FNIP1: variants seen among roughly 807,000 people sequenced by gnomAD.
FNIP1 encodes folliculin interacting protein 1.
Under a neutral mutation model 124.5 loss-of-function variants are expected in FNIP1, and 40 were observed. The ratio of observed to expected loss-of-function variants is 0.32; its 90% CI spans 0.25 to 0.42. FNIP1 has a LOEUF of 0.42. Ranked by LOEUF, FNIP1 falls within the 10% of genes least tolerant of loss-of-function variation. The pLI, the probability that FNIP1 is intolerant of heterozygous loss-of-function variation, is 1.00. For synonymous variants in FNIP1, 472 were observed against 470.6 expected (o/e 1.00, Z -0.04); for missense variants, 1,176 against 1,403.7 (o/e 0.84, Z 2.59).
rs146588559 is a variant in FNIP1, at chr5:131,770,484, T to A, written c.93-25794A>T. 1.3e-4 allele frequency among the ~76,000 whole-genome samples: 20 copies of A among 152,306 alleles called. No individual in the cohort carries two copies. The East Asian group carries it at 2.5e-3, about 19-fold the overall frequency. ...ATCTGTGTATGTATCCCGATAGGAC[T>A]AATTCACTAACAGAAATGCGTTAAT... On this transcript the variant is annotated intron_variant, in intron 1 of 17. Coordinates refer to ENST00000510461, the MANE Select transcript of FNIP1 (RefSeq NM_133372.3).
chr5:131,681,860 C>T (rs1768097403), intron 11 of FNIP1, among the ~76,000 whole-genome samples: 2 of 147,938 alleles, frequency 1.4e-5, no homozygotes, highest in Non-Finnish European at 3.0e-5. Flanking sequence ...GGTGCTATAA[C>T]AATACTGAGA....
intron 1 of FNIP1, among the ~76,000 whole-genome samples, chr5:131,758,244 G>A (rs1020194385): frequency 2.0e-5 from 3 of 152,152 alleles, no homozygotes; most frequent in Admixed American, 6.6e-5. Flanking sequence ...AAGAAGTGAA[G>A]GAGAAGCAAA....
intron 2 of FNIP1, among the ~76,000 whole-genome samples, chr5:131,737,110 TAAC>T (rs1770337618): frequency 6.6e-6 from 1 of 152,244 alleles, no homozygotes; most frequent in Admixed American, 6.5e-5. Context: ...TTCTCTGAGA[TAAC>T]AAAGTAAAAT....
At chr5:131,750,165 C>G (rs1173321421) in intron 1 of FNIP1, among the ~76,000 whole-genome samples, 1 of 151,728 alleles carries the variant, frequency 6.6e-6, no homozygotes. Context: ...GTATACGGAA[C>G]AAAAGAAAAG....
intron 3 of FNIP1, among the ~76,000 whole-genome samples, chr5:131,725,301 A>G (rs945102022): frequency 2.6e-5 from 4 of 152,150 alleles, no homozygotes; most frequent in African/African-American, 4.8e-5. Flanking sequence ...CATGATAGCC[A>G]TTTTCACGAT....
intron 11 of FNIP1, among the ~76,000 whole-genome samples, chr5:131,679,762 C>A (rs1309949052): frequency 4.6e-5 from 7 of 152,204 alleles, no homozygotes; most frequent in Non-Finnish European, 1.0e-4. Flanking sequence ...GATTATCACA[C>A]AATTAGCACA....
chr5:131,730,948 C>T lies in FNIP1; in HGVS notation c.310G>A (p.Val104Met). The change falls in exon 3 of 18, where the codon GTG becomes ATG. Residue 104 changes from valine to methionine, a missense_variant. By Grantham distance (21) the Val-to-Met change is conservative (BLOSUM62 1). This residue lies in a region of FNIP1 where 1,109 missense variants were observed against 1,288.5 expected (regional missense o/e 0.86). Coordinates refer to ENST00000510461, the MANE Select transcript of FNIP1 (RefSeq NM_133372.3). Reference protein sequence around the residue: ...GDSSSSLDSSVTSSSDIKDQC... With the variant: ...GDSSSSLDSSMTSSSDIKDQC... ...TCTTTTATATCAGAAGATGAAGTCA[C>T]AGAACTATCTAAAGAGGAAGAACTG... The T allele has an allele frequency of 1.2e-6, 2 of 1,612,118 alleles. No individual in the cohort carries two copies. The highest frequency in any genetic ancestry group is 1.7e-6 in the Non-Finnish European group (2 of 1,179,066).
At chr5:131,726,246 T>C (rs1016653417) in intron 3 of FNIP1, among the ~76,000 whole-genome samples, 4 of 152,192 alleles carry the variant, frequency 2.6e-5, no homozygotes, top group Non-Finnish European at 5.9e-5. Context: ...TTTCTATTGA[T>C]TGGAATAGTT....
chr5:131,777,201 T>C (rs1016295296), intron 1 of FNIP1, among the ~76,000 whole-genome samples: 3 of 151,942 alleles, frequency 2.0e-5, no homozygotes, highest in African/African-American at 7.2e-5. Context: ...ATTTTCAACA[T>C]AAAAGAAATA....
intron 2 of FNIP1, 112 bp from the exon 3 acceptor site, chr5:131,731,150 A>C: frequency 1.1e-6 from 1 of 932,396 alleles, no homozygotes; most frequent in Non-Finnish European, 1.6e-6. Flanking sequence ...CTCAAAATAC[A>C]ACATTAATAT....
At chr5:131,733,915 T>C (rs1770192537) in intron 2 of FNIP1, among the ~76,000 whole-genome samples, 1 of 152,220 alleles carries the variant, frequency 6.6e-6, no homozygotes, top group African/African-American at 2.4e-5. Flanking sequence ...TACCAGCTCC[T>C]CCTTCTACCT....
At chr5:131,755,006 C>G (rs184203220) in intron 1 of FNIP1, among the ~76,000 whole-genome samples, 2 of 152,060 alleles carry the variant, frequency 1.3e-5, no homozygotes, top group Non-Finnish European at 2.9e-5. Context: ...AAAGGAGATA[C>G]CATTAACCAA....
intron 9 of FNIP1, among the ~76,000 whole-genome samples, chr5:131,704,634 G>A (rs1220497469): frequency 1.3e-5 from 2 of 152,050 alleles, no homozygotes; most frequent in Admixed American, 1.3e-4. Context: ...TTGATTTCAG[G>A]AGTAAAGTCA....
chr5:131,796,754 C>G, intron 1 of FNIP1, 76 bp downstream of exon 1: 1 of 1,380,766 alleles, frequency 7.2e-7, no homozygotes, highest in Non-Finnish European at 9.9e-7. Context: ...GTCGGAACAC[C>G]GAAGGCCCCA....
chr5:131,712,439 G>C (rs533464531), intron 6 of FNIP1, among the ~76,000 whole-genome samples: 84 of 152,190 alleles, frequency 5.5e-4, no homozygotes, highest in African/African-American at 1.9e-3. Flanking sequence ...GGGGGTCTGC[G>C]AAGTCCTCCA....
At chr5:131,733,627 A>C (rs1770180605) in intron 2 of FNIP1, among the ~76,000 whole-genome samples, 1 of 152,218 alleles carries the variant, frequency 6.6e-6, no homozygotes, top group Admixed American at 6.5e-5. Context: ...ATGCTGGATT[A>C]CATTTATTGA....
intron 15 of FNIP1, among the ~76,000 whole-genome samples, chr5:131,662,730 T>C (rs1580735182): frequency 7.0e-6 from 1 of 142,708 alleles, no homozygotes; most frequent in East Asian, 2.0e-4. Flanking sequence ...GGAGATATTC[T>C]AGATTTTTTT....
chr5:131,741,586 C>A (rs1416775350), intron 2 of FNIP1, among the ~76,000 whole-genome samples: 1 of 152,138 alleles, frequency 6.6e-6, no homozygotes, highest in East Asian at 1.9e-4. Flanking sequence ...ATTGACAATT[C>A]TTTGGTTCAA....
Position 131,642,016 on chromosome 5 carries a change from A to G in FNIP1, c.*2669T>C, listed in dbSNP as rs1014276921. On this transcript the variant is annotated 3_prime_UTR_variant, in exon 18 of 18. Coordinates refer to ENST00000510461, the MANE Select transcript of FNIP1 (RefSeq NM_133372.3). ...AACTCAAAATTAAGACATATTAATA[A>G]AAGCCAGAAATATTTAAAATCAAAC... is the stretch of plus-strand genomic sequence containing the variant. 3.3e-5 allele frequency: 5 copies of G among 152,804 alleles called. No homozygotes were observed. Among genetic ancestry groups the G allele is most frequent in the African/African-American group, 1.2e-4 (5 of 41,460 alleles). The allele number at this position is 152,804 out of a possible 1,614,324, so 9.5% of individuals were successfully genotyped here. A position where few individuals can be genotyped will look rare whatever the true frequency, so the allele number is the denominator to read the frequency against.
Sources: gnomAD v4.1 joint callset for allele counts (sites outside exome capture counted in the v4.1 genomes callset) on GRCh38, gnomAD v4.1.1 for gene constraint, gnomAD v4.1.1 regional missense constraint, MANE v1.5 for transcripts, NCBI Gene and HGNC (gene_info 2026-07-23, HGNC 2026-07-21) for gene names.